Variants in IL1RAPL2 observed in about 807,000 individuals in gnomAD.
IL1RAPL2 encodes the protein interleukin 1 receptor accessory protein like 2.
A neutral mutation model predicts 44.1 loss-of-function variants in IL1RAPL2; 3 were observed. The ratio of observed to expected loss-of-function variants is 0.07; its 90% CI spans 0.03 to 0.18. The LOEUF is 0.18. IL1RAPL2 is among the 10% of genes least tolerant of loss of function. The probability of loss-of-function intolerance (pLI) is 1.00; values close to 1 mark genes in which losing one functional copy is unlikely to be tolerated. For missense variants in IL1RAPL2, 391 were observed against 496.4 expected (o/e 0.79, Z 2.02); for synonymous variants, 181 against 178.8 (o/e 1.01, Z -0.10).
chrX:104,886,656 G>A (rs1923253868), intron 2 of IL1RAPL2, among the ~76,000 whole-genome samples: 1 of 112,080 alleles, frequency 8.9e-6, no homozygotes, highest in Non-Finnish European at 1.9e-5. Context: ...AATACCAGAG[G>A]AAGCAGAATG....
At position 104,650,907 on chromosome X, in the gene IL1RAPL2, T is replaced by C. The variant is rs777186057; in HGVS notation, c.-19-7988T>C. On this transcript the variant is annotated intron_variant, in intron 1 of 10. Transcript: ENST00000372582. ...GACCTACATTCAAATCCTTTTTCCA[T>C]AATTTATTAATGTCATGAACTTGGG... Among the ~76,000 whole-genome samples, 3 of 111,984 alleles carry C rather than the reference T, an allele frequency of 2.7e-5. No individual in the cohort carries two copies. The East Asian group carries it at 8.4e-4, about 31-fold the overall frequency.
intron 5 of IL1RAPL2, among the ~76,000 whole-genome samples, chrX:105,376,998 C>T (rs762738542): frequency 8.9e-6 from 1 of 112,138 alleles, no homozygotes; most frequent in East Asian, 2.8e-4. Flanking sequence ...ATAAACATTG[C>T]AGGTAACAAA....
chrX:105,263,238 C>A (rs1033911214), intron 4 of IL1RAPL2, among the ~76,000 whole-genome samples: 22 of 39,321 alleles, frequency 5.6e-4, no homozygotes, highest in Middle Eastern at 0.013. Context: ...ATACAGTCTC[C>A]AGGGGAAAGG....
intron 2 of IL1RAPL2, among the ~76,000 whole-genome samples, chrX:104,987,751 A>G (rs965820565): frequency 1.8e-5 from 2 of 111,063 alleles, no homozygotes; most frequent in Non-Finnish European, 3.8e-5. Context: ...TGAGTTACAC[A>G]AATCAGCCTT....
intron 6 of IL1RAPL2, among the ~76,000 whole-genome samples, chrX:105,578,147 A>G (rs2037064438): frequency 9.4e-6 from 1 of 106,760 alleles, no homozygotes; most frequent in Non-Finnish European, 1.9e-5. Flanking sequence ...TTTTTTGTCC[A>G]ATGCATACTT....
intron 2 of IL1RAPL2, among the ~76,000 whole-genome samples, chrX:104,811,703 G>A (rs971266648): frequency 1.8e-5 from 2 of 111,011 alleles, no homozygotes; most frequent in African/African-American, 6.5e-5. Context: ...AGTGTATGGG[G>A]TCTTAGCGAA....
At chrX:105,637,394 A>G (rs778745199) in intron 6 of IL1RAPL2, among the ~76,000 whole-genome samples, 1 of 111,730 alleles carries the variant, frequency 9.0e-6, no homozygotes, top group East Asian at 2.8e-4. Flanking sequence ...GTCAGTTTCT[A>G]TTTTATCTGA....
At chrX:104,924,932 C>A (rs1320426391) in intron 2 of IL1RAPL2, among the ~76,000 whole-genome samples, 1 of 109,761 alleles carries the variant, frequency 9.1e-6, no homozygotes, top group African/African-American at 3.3e-5. Flanking sequence ...AAAGAAAAAA[C>A]AAAATTGATC....
chrX:104,735,619 G>A (rs1931999206), intron 2 of IL1RAPL2, among the ~76,000 whole-genome samples: 2 of 111,432 alleles, frequency 1.8e-5, no homozygotes, highest in South Asian at 7.5e-4. Context: ...TCCCACAGTA[G>A]GCTCTCTTTA....
At chrX:105,027,491 T>C (rs2031394365) in intron 2 of IL1RAPL2, among the ~76,000 whole-genome samples, 1 of 110,900 alleles carries the variant, frequency 9.0e-6, no homozygotes, top group Non-Finnish European at 1.9e-5. Flanking sequence ...AATCTAACAA[T>C]ATGAGCTAAT....
intron 5 of IL1RAPL2, among the ~76,000 whole-genome samples, chrX:105,393,822 T>C (rs926157364): frequency 8.9e-6 from 1 of 111,921 alleles, no homozygotes; most frequent in African/African-American, 3.2e-5. Context: ...TGCTAGGCAC[T>C]TTGACATATC....
intron 6 of IL1RAPL2, among the ~76,000 whole-genome samples, chrX:105,587,381 G>A (rs1158602427): frequency 9.0e-6 from 1 of 110,976 alleles, no homozygotes; most frequent in Non-Finnish European, 1.9e-5. Flanking sequence ...TTGTTTGTTA[G>A]ACTGTTCAAT....
intron 2 of IL1RAPL2, among the ~76,000 whole-genome samples, chrX:104,810,056 T>C (rs1345417418): frequency 4.5e-5 from 5 of 110,517 alleles, no homozygotes; most frequent in African/African-American, 6.6e-5. Flanking sequence ...AAATGTGGCA[T>C]ATATACACCT....
At chrX:105,691,264 C>T (rs1006422086) in intron 6 of IL1RAPL2, among the ~76,000 whole-genome samples, 3 of 111,373 alleles carry the variant, frequency 2.7e-5, no homozygotes, top group Non-Finnish European at 5.6e-5. Flanking sequence ...CAGCCAGGAG[C>T]CAAGAGTAAA....
chrX:105,241,142 G>A (rs782813620), intron 4 of IL1RAPL2, among the ~76,000 whole-genome samples: 21 of 111,013 alleles, frequency 1.9e-4, no homozygotes, highest in Admixed American at 1.7e-3. Context: ...CCTCTCTTTT[G>A]GATGCTTCAG....
At chrX:104,955,479 G>GATAT (rs10669100) in intron 2 of IL1RAPL2, among the ~76,000 whole-genome samples, 5,347 of 102,092 alleles carry the variant, frequency 0.052, 395 homozygotes, top group African/African-American at 0.18. Flanking sequence ...TATACTCCCA[G>GATAT]ATATATATAT....
In IL1RAPL2 at chrX:105,432,343, G is replaced by T. The variant is rs1002204685; in HGVS notation, c.698-51970G>T. ...GCCTTTCCCATGTGAGTGTGTCTTG[G>T]GTCCAAAAAATGACTAATGAGAGCT... On this transcript the variant is annotated intron_variant, in intron 5 of 10. Transcript: ENST00000372582. Among the ~76,000 whole-genome samples the T allele has an allele frequency of 2.8e-5, 3 of 108,668 alleles. No individual in the cohort carries two copies. The Admixed American group carries it at 3.0e-4, about 11-fold the overall frequency. 94.4% of individuals were successfully genotyped at this position (108,668 alleles called of 115,157 possible). A position where few individuals can be genotyped will look rare whatever the true frequency, so the allele number is the denominator to read the frequency against.
intron 2 of IL1RAPL2, among the ~76,000 whole-genome samples, chrX:104,663,252 G>A (rs1230509398): frequency 9.0e-6 from 1 of 111,629 alleles, no homozygotes; most frequent in Non-Finnish European, 1.9e-5. Flanking sequence ...AAAGGCAAAA[G>A]TAGAGGTTAT....
chrX:104,576,162 C>T (rs1190780704), intron 1 of IL1RAPL2, among the ~76,000 whole-genome samples: 2 of 110,958 alleles, frequency 1.8e-5, no homozygotes, highest in Non-Finnish European at 3.8e-5. Flanking sequence ...ATTTTTATTA[C>T]AATTTTTAGA....
Sources: allele counts gnomAD v4.1 joint callset (sites outside exome capture counted in the v4.1 genomes callset), GRCh38; gene constraint gnomAD v4.1.1; transcripts MANE v1.5; gene names NCBI Gene and HGNC (gene_info 2026-07-23, HGNC 2026-07-21).